RBFOX1: variants seen among roughly 807,000 people sequenced by gnomAD.
The protein encoded by RBFOX1 is RNA binding protein fox-1 homolog 1.
Under a neutral mutation model 57.7 loss-of-function variants are expected in RBFOX1, and 8 were observed. That is an observed-to-expected ratio of 0.14 (90% CI 0.08 to 0.25). The LOEUF (loss-of-function observed/expected upper bound fraction) is 0.25, where lower values mean the gene tolerates loss of function less well. Among genes scored for constraint, RBFOX1 ranks in the 10% least tolerant of loss-of-function variants. The probability of loss-of-function intolerance (pLI) is 1.00; values close to 1 mark genes in which losing one functional copy is unlikely to be tolerated. For missense variants in RBFOX1, 611 were observed against 548.5 expected (o/e 1.11, Z -1.14); for synonymous variants, 326 against 222.4 (o/e 1.47, Z -4.15).
intron 4 of RBFOX1, among the ~76,000 whole-genome samples, chr16:7,432,429 G>A (rs1158333567): frequency 2.0e-5 from 3 of 152,150 alleles, no homozygotes; most frequent in African/African-American, 4.8e-5. Flanking sequence ...TGCAATCGTT[G>A]TGCTTACTGA....
intron 3 of RBFOX1, among the ~76,000 whole-genome samples, chr16:6,696,395 C>G (rs1021938886): frequency 2.0e-5 from 3 of 152,084 alleles, no homozygotes; most frequent in South Asian, 2.1e-4. Context: ...ATATTGAAAC[C>G]TCAATTCATT....
At chr16:6,180,359 C>T (rs1294550505) in intron 1 of RBFOX1, among the ~76,000 whole-genome samples, 1 of 151,644 alleles carries the variant, frequency 6.6e-6, no homozygotes, top group African/African-American at 2.4e-5. Context: ...TAGTTTGTGT[C>T]TTTCCAGAAA....
intron 3 of RBFOX1, among the ~76,000 whole-genome samples, chr16:5,786,054 G>C (rs2054490613): frequency 6.6e-6 from 1 of 152,100 alleles, no homozygotes; most frequent in Non-Finnish European, 1.5e-5. Flanking sequence ...GTCATTCCCT[G>C]AATTGGTCCT....
chr16:7,457,072 A>C (rs2150388913), intron 4 of RBFOX1, among the ~76,000 whole-genome samples: 1 of 152,096 alleles, frequency 6.6e-6, no homozygotes, highest in Middle Eastern at 3.4e-3. Context: ...TTTTTAGTAG[A>C]GACGGGGTTT....
intron 4 of RBFOX1, among the ~76,000 whole-genome samples, chr16:7,068,944 A>G (rs772103879): frequency 1.3e-5 from 2 of 152,208 alleles, no homozygotes; most frequent in Non-Finnish European, 2.9e-5. Context: ...AAGTGTGTCA[A>G]GTAAGGTAAT....
chr16:6,734,212 G>T lies in RBFOX1; in HGVS notation c.-16+79562G>T, dbSNP rs191327597. ...CATCCGTGCAGCTCTGCAATTGTAT[G>T]ATGTCTGACCCCTCTGTCCAACTCC... On this transcript the variant is annotated intron_variant, in intron 3 of 15. Transcript: ENST00000550418. Among the ~76,000 whole-genome samples the T allele has an allele frequency of 2.0e-5, 3 of 152,280 alleles. No individual in the cohort carries two copies. The East Asian group carries it at 5.8e-4, about 29-fold the overall frequency.
intron 3 of RBFOX1, among the ~76,000 whole-genome samples, chr16:5,655,041 T>A (rs2033839077): frequency 6.6e-6 from 1 of 152,140 alleles, no homozygotes; most frequent in Non-Finnish European, 1.5e-5. Context: ...GGAGTCCTAG[T>A]GAGGACGCAC....
Position 7,549,920 on chromosome 16 carries a change from CTCTTTT to C in RBFOX1, c.271-29844_271-29839del, listed in dbSNP as rs561847996. On this transcript the variant is annotated intron_variant, in intron 5 of 15. Transcript: ENST00000550418. The stretch of plus-strand genomic sequence containing the variant: ...CAATATTAACCATCATCATATCCTT[CTCTTTT>C]TCTTTTTCTTTTATTTTTTTAGAGA... 6.6e-3 allele frequency among the ~76,000 whole-genome samples: 1,008 copies of C among 152,144 alleles called. 9 individuals carry two copies. The highest frequency in any genetic ancestry group is 0.023 in the African/African-American group (947 of 41,510).
At chr16:7,606,361 T>A (rs1056493662) in intron 9 of RBFOX1, among the ~76,000 whole-genome samples, 1 of 148,310 alleles carries the variant, frequency 6.7e-6, no homozygotes, top group Non-Finnish European at 1.5e-5. Context: ...GACCTCGTGA[T>A]CTCCCTGCCT....
At chr16:6,717,902 G>C (rs2065152783) in intron 3 of RBFOX1, among the ~76,000 whole-genome samples, 1 of 152,142 alleles carries the variant, frequency 6.6e-6, no homozygotes, top group Non-Finnish European at 1.5e-5. Context: ...TGGTTCCAAG[G>C]ATCCTATACT....
intron 4 of RBFOX1, among the ~76,000 whole-genome samples, chr16:7,438,450 G>A (rs896089718): frequency 8.5e-5 from 13 of 152,080 alleles, no homozygotes; most frequent in Non-Finnish European, 1.8e-4. Context: ...GCAGAAGAAG[G>A]TAATCAAGGA....
At chr16:6,701,297 T>G (rs1187118588) in intron 3 of RBFOX1, among the ~76,000 whole-genome samples, 1 of 152,212 alleles carries the variant, frequency 6.6e-6, no homozygotes, top group Non-Finnish European at 1.5e-5. Flanking sequence ...CTGACAGCTG[T>G]GGCTGCCTGC....
At chr16:5,768,076 C>A (rs138890299) in intron 3 of RBFOX1, among the ~76,000 whole-genome samples, 1 of 152,174 alleles carries the variant, frequency 6.6e-6, no homozygotes, top group Non-Finnish European at 1.5e-5. Flanking sequence ...CAAGAGTAGA[C>A]TGCATTTAAA....
chr16:7,625,557 T>G (rs1203932578), intron 10 of RBFOX1, among the ~76,000 whole-genome samples: 4 of 152,226 alleles, frequency 2.6e-5, no homozygotes, highest in Admixed American at 6.5e-5. Flanking sequence ...GTTCTTTGTG[T>G]CTTCAAGAGC....
At chr16:6,365,547 C>T (rs1568027579) in intron 2 of RBFOX1, among the ~76,000 whole-genome samples, 1 of 151,828 alleles carries the variant, frequency 6.6e-6, no homozygotes, top group African/African-American at 2.4e-5. Flanking sequence ...ACATCTTATG[C>T]TCTTCATGTC....
intron 4 of RBFOX1, among the ~76,000 whole-genome samples, chr16:7,249,239 C>T (rs1385509456): frequency 1.3e-5 from 2 of 152,062 alleles, no homozygotes; most frequent in African/African-American, 4.8e-5. Flanking sequence ...TTTCCATTCC[C>T]CTCTTTTTTC....
rs540873833 is a variant in RBFOX1, at chr16:5,525,559, G to A, written c.258+58305G>A. Among the ~76,000 whole-genome samples the A allele has an allele frequency of 3.6e-4, 53 of 145,662 alleles. 1 individual carries two copies. Among genetic ancestry groups the A allele is most frequent in the Middle Eastern group, 3.7e-3 (1 of 272 alleles). On this transcript the variant is annotated intron_variant, in intron 2 of 2. Transcript: ENST00000585867. ...GTTGCCAAGGCTGGAGTGCAGTGGCGTGATCTCAGCTCACTGCATTCTCCA... is the reference window on the plus strand; with the variant it reads ...GTTGCCAAGGCTGGAGTGCAGTGGCATGATCTCAGCTCACTGCATTCTCCA...
intron 3 of RBFOX1, among the ~76,000 whole-genome samples, chr16:6,783,899 C>G (rs1444717932): frequency 1.3e-5 from 2 of 152,060 alleles, no homozygotes; most frequent in African/African-American, 4.8e-5. Context: ...TGAAGCATAA[C>G]TATGCTGAAT....
rs1225451919 is a variant in RBFOX1 at position 7,267,310 on chromosome 16, G to A, written c.27+215212G>A. ...AGCACTTTCGGAGGCCAAAGGGGGC[G>A]GATCACTTGAGGTCGGCAGTTGGAG... On this transcript the variant is annotated intron_variant, in intron 4 of 15. Coordinates refer to ENST00000550418, the MANE Select transcript of RBFOX1 (RefSeq NM_018723.4). Among the ~76,000 whole-genome samples, 5 of 152,056 alleles carry A rather than the reference G, an allele frequency of 3.3e-5. No individual in the cohort carries two copies. In the East Asian group the frequency reaches 9.7e-4, roughly 30 times the overall value.
Sources: gnomAD v4.1 joint callset for allele counts (sites outside exome capture counted in the v4.1 genomes callset) on GRCh38, gnomAD v4.1.1 for gene constraint, MANE v1.5 for transcripts, NCBI Gene and HGNC (gene_info 2026-07-23, HGNC 2026-07-21) for gene names.